LMBRD1: variants seen among roughly 807,000 people sequenced by gnomAD.
LMBRD1 encodes the protein LMBR1 domain containing 1.
Under a neutral mutation model 74.8 loss-of-function variants are expected in LMBRD1, and 64 were observed. The ratio of observed to expected loss-of-function variants is 0.86; its 90% CI spans 0.70 to 1.05. LMBRD1 has a LOEUF of 1.05. Among genes scored for constraint, LMBRD1 ranks in the 50% least tolerant of loss-of-function variants. The pLI, the probability that LMBRD1 is intolerant of heterozygous loss-of-function variation, is 0.00. For missense variants in LMBRD1, 652 were observed against 645.9 expected, an observed-to-expected ratio of 1.01 and a Z score of -0.10; for synonymous variants, 204 against 216.3, an observed-to-expected ratio of 0.94 and a Z score of 0.50.
At chr6:69,734,464 C>A (rs575728766) in intron 7 of LMBRD1, among the ~76,000 whole-genome samples, 12 of 151,486 alleles carry the variant, frequency 7.9e-5, no homozygotes, top group Admixed American at 5.9e-4. Context: ...GGCGCAATCT[C>A]GGCTCACTGC....
chr6:69,703,125 G>T (rs1052825490), intron 9 of LMBRD1, among the ~76,000 whole-genome samples: 3 of 151,944 alleles, frequency 2.0e-5, no homozygotes, highest in Non-Finnish European at 2.9e-5. Flanking sequence ...CTAGGATTCC[G>T]CAAGAGAATT....
At chr6:69,731,828 TA>T (rs138856565) in intron 7 of LMBRD1, among the ~76,000 whole-genome samples, 2,716 of 152,206 alleles carry the variant, frequency 0.018, 78 homozygotes, top group African/African-American at 0.06. Flanking sequence ...CTGTGTCGTA[TA>T]GTAAAACATG....
Position 69,718,137 on chromosome 6 carries a change from C to T in LMBRD1, c.762+819G>A, listed in dbSNP as rs541802204. On this transcript the variant is annotated intron_variant, in intron 8 of 15. Transcript: ENST00000649934. ...GGACTTGCTATTTTTTTACCATGAT[C>T]TTTGAGTAAGATTTATCTGTTACTT... Among the ~76,000 whole-genome samples, 567 of 152,110 alleles carry T rather than the reference C, an allele frequency of 3.7e-3. 6 individuals are homozygous for T. Among genetic ancestry groups the T allele is most frequent in the Non-Finnish European group, 4.5e-3 (304 of 67,994 alleles).
chr6:69,678,799 T>A (rs1293438461), intron 14 of LMBRD1, among the ~76,000 whole-genome samples: 2 of 152,088 alleles, frequency 1.3e-5, no homozygotes, highest in Non-Finnish European at 2.9e-5. Context: ...GGCTACATAG[T>A]CCAGCTTATT....
intron 7 of LMBRD1, among the ~76,000 whole-genome samples, chr6:69,731,479 C>T (rs1766857009): frequency 1.3e-5 from 2 of 151,980 alleles, no homozygotes; most frequent in Admixed American, 6.6e-5. Flanking sequence ...CAGTTGGTTC[C>T]CATGTCACAA....
chr6:69,693,485 A>G (rs1765932000), intron 14 of LMBRD1, among the ~76,000 whole-genome samples: 1 of 152,038 alleles, frequency 6.6e-6, no homozygotes, highest in Non-Finnish European at 1.5e-5. Flanking sequence ...TGCTGCTTTA[A>G]TATCTCTCCA....
At chr6:69,736,181 G>A (rs1262074056) in intron 7 of LMBRD1, among the ~76,000 whole-genome samples, 1 of 151,956 alleles carries the variant, frequency 6.6e-6, no homozygotes, top group Non-Finnish European at 1.5e-5. Flanking sequence ...TGCAAGCCAG[G>A]AGCTAATTGA....
intron 9 of LMBRD1, chr6:69,705,904 G>A: frequency 7.6e-7 from 1 of 1,307,800 alleles, no homozygotes; most frequent in East Asian, 2.3e-5. Flanking sequence ...AAGGAAAATT[G>A]TTGGCTGTAC....
intron 7 of LMBRD1, among the ~76,000 whole-genome samples, chr6:69,733,881 T>C (rs1458543719): frequency 6.6e-6 from 1 of 152,244 alleles, no homozygotes; most frequent in Non-Finnish European, 1.5e-5. Flanking sequence ...GGAACTATAG[T>C]TTGAACCATA....
At chr6:69,702,112 C>T (rs1192653699) in intron 9 of LMBRD1, among the ~76,000 whole-genome samples, 159 bp from the exon 10 acceptor site, 1 of 151,758 alleles carries the variant, frequency 6.6e-6, no homozygotes, top group African/African-American at 2.4e-5. Context: ...GGCATTTATA[C>T]CTGAATTTTC....
intron 3 of LMBRD1, among the ~76,000 whole-genome samples, chr6:69,754,012 C>T (rs919080054): frequency 6.6e-6 from 1 of 151,278 alleles, no homozygotes; most frequent in Non-Finnish European, 1.5e-5. Context: ...ATAACCAGGA[C>T]ATTACGCTAA....
At chr6:69,683,155 T>A (rs753353580) in intron 14 of LMBRD1, among the ~76,000 whole-genome samples, 1 of 151,920 alleles carries the variant, frequency 6.6e-6, no homozygotes, top group African/African-American at 2.4e-5. Flanking sequence ...CCCAGCAACA[T>A]CCAAGAAAAA....
chr6:69,705,156 G>C (rs1451741711), intron 9 of LMBRD1: 1 of 483,532 alleles, frequency 2.1e-6, no homozygotes, highest in African/African-American at 2.0e-5. Flanking sequence ...TGGCAATGGA[G>C]CCTGGACAAC....
chr6:69,702,453 C>T (rs1375950068), intron 9 of LMBRD1, among the ~76,000 whole-genome samples: 4 of 151,822 alleles, frequency 2.6e-5, no homozygotes, highest in Non-Finnish European at 4.4e-5. Flanking sequence ...ACAAGTGATA[C>T]TATTCCTGAA....
chr6:69,776,304 C>T (rs1044139566), intron 3 of LMBRD1, among the ~76,000 whole-genome samples: 4 of 152,176 alleles, frequency 2.6e-5, no homozygotes, highest in African/African-American at 9.7e-5. Flanking sequence ...TAAACAATTT[C>T]ATTGAGGAAG....
chr6:69,782,665 A>G (rs1324228096), intron 2 of LMBRD1, among the ~76,000 whole-genome samples: 1 of 145,596 alleles, frequency 6.9e-6, no homozygotes, highest in Non-Finnish European at 1.5e-5. Flanking sequence ...TGAGCAACAG[A>G]GCAAGACTCT....
rs1185417736 is a variant in LMBRD1, at chr6:69,749,276, TTA to T, written c.473+63_473+64del. ...TCCTAGATTTTTCTGAATGATCCTTTTATTTTTTTTTTCAAATAATTCTATTT... is the reference window on the plus strand; with the variant it reads ...TCCTAGATTTTTCTGAATGATCCTTTTTTTTTTTTTCAAATAATTCTATTT... On this transcript the variant is annotated intron_variant, in intron 5 of 15. Transcript: ENST00000649934. The T allele has an allele frequency of 1.3e-4, 169 of 1,287,828 alleles. No individual in the cohort carries two copies. In the African/African-American group the frequency reaches 1.7e-3, roughly 13 times the overall value. The allele number at this position is 1,287,828 out of a possible 1,614,324, so 79.8% of individuals were successfully genotyped here.
chr6:69,715,727 C>T (rs115161671), intron 8 of LMBRD1, among the ~76,000 whole-genome samples: 2,465 of 152,002 alleles, frequency 0.016, 54 homozygotes, highest in African/African-American at 0.056. Context: ...AATGTATTTA[C>T]GATGTCTTAT....
Position 69,676,129 on chromosome 6 carries a change from C to T in LMBRD1, c.*29G>A. 6.5e-7 allele frequency: 1 copy of T among 1,529,008 alleles called. No homozygotes were observed. The highest frequency in any genetic ancestry group is 9.1e-7 in the Non-Finnish European group (1 of 1,103,232). The allele number at this position is 1,529,008 out of a possible 1,614,324, so 94.7% of individuals were successfully genotyped here. A position where few individuals can be genotyped will look rare whatever the true frequency, so the allele number is the denominator to read the frequency against. ...AAATGCATAACAGATATTCAGTCAG[C>T]ATTATAAAACCTTTAAGACAGAAGG... On this transcript the variant is annotated 3_prime_UTR_variant, in exon 16 of 16. Coordinates refer to ENST00000649934, the MANE Select transcript of LMBRD1 (RefSeq NM_018368.4).
Sources: gnomAD v4.1 joint callset for allele counts (sites outside exome capture counted in the v4.1 genomes callset) on GRCh38, gnomAD v4.1.1 for gene constraint, MANE v1.5 for transcripts, NCBI Gene and HGNC (gene_info 2026-07-23, HGNC 2026-07-21) for gene names.